Variants in AKR1B10 observed in about 807,000 individuals in gnomAD.
AKR1B10 encodes ARP.
A neutral mutation model predicts 38.9 loss-of-function variants in AKR1B10; 39 were observed. The observed-to-expected ratio is 1.00, with a 90% CI of 0.78 to 1.31. AKR1B10 has a LOEUF of 1.31. AKR1B10 is among the 50% of genes most tolerant of loss of function. The probability of loss-of-function intolerance (pLI) is 0.00; values close to 1 mark genes in which losing one functional copy is unlikely to be tolerated. For synonymous variants in AKR1B10, 148 were observed against 141.2 expected, an observed-to-expected ratio of 1.05 and a Z score of -0.34; for missense variants, 361 against 382.6, an observed-to-expected ratio of 0.94 and a Z score of 0.47.
Position 134,541,285 on chromosome 7 carries a change from C to T in AKR1B10, c.*196C>T. 1 of 520,540 alleles carries T rather than the reference C, an allele frequency of 1.9e-6. No individual in the cohort carries two copies. Among genetic ancestry groups the T allele is most frequent in the Non-Finnish European group, 3.4e-6 (1 of 298,138 alleles). The allele number at this position is 520,540 out of a possible 1,614,324, so 32.2% of individuals were successfully genotyped here. On this transcript the variant is annotated 3_prime_UTR_variant, in exon 10 of 10. Coordinates refer to ENST00000359579, the MANE Select transcript of AKR1B10 (RefSeq NM_020299.5). ...CTAGGATCAGAATATCACAGAAAAG[C>T]ATGGCTTGAATAAGGAAATGACAAT...
At chr7:134,528,024 T>G (rs1807734781) in intron 1 of AKR1B10, 47 bp downstream of exon 1, 2 of 1,606,202 alleles carry the variant, frequency 1.2e-6, no homozygotes, top group Admixed American at 1.7e-5. Flanking sequence ...GAGGGGCGTT[T>G]GGGTGTTTTC....
intron 1 of AKR1B10, among the ~76,000 whole-genome samples, chr7:134,530,060 G>A (rs1807807215): frequency 6.6e-6 from 1 of 152,024 alleles, no homozygotes; most frequent in Non-Finnish European, 1.5e-5. Context: ...TGCATACAAG[G>A]TTTACAGAGA....
At chr7:134,536,930 G>C in intron 5 of AKR1B10, 121 bp from the exon 6 acceptor site, 2 of 1,581,748 alleles carry the variant, frequency 1.3e-6, no homozygotes, top group Non-Finnish European at 1.7e-6. Context: ...GATTTAGCAA[G>C]TATCTCAGTG....
intron 3 of AKR1B10, 144 bp downstream of exon 3, chr7:134,532,168 C>G (rs1267675158): frequency 3.9e-6 from 4 of 1,018,380 alleles, no homozygotes; most frequent in Non-Finnish European, 6.0e-6. Context: ...AGGAAGAGAC[C>G]TTGGAGAAGA....
At chr7:134,534,790 C>A (rs1037968998) in intron 4 of AKR1B10, among the ~76,000 whole-genome samples, 1 of 152,170 alleles carries the variant, frequency 6.6e-6, no homozygotes, top group South Asian at 2.1e-4. Flanking sequence ...CTAATTGCCC[C>A]ATCTGAAATT....
Position 134,527,843 on chromosome 7 carries a change from C to A in AKR1B10, c.-69C>A, listed in dbSNP as rs1807722119. On this transcript the variant is annotated 5_prime_UTR_variant, in exon 1 of 10. Coordinates refer to ENST00000359579, the MANE Select transcript of AKR1B10 (RefSeq NM_020299.5). ...CCTTGGCAACAGTGCAAGACTGTCTCAAAAACAGCAACAGAGAGCAGGACG... is the reference window on the plus strand; with the variant it reads ...CCTTGGCAACAGTGCAAGACTGTCTAAAAAACAGCAACAGAGAGCAGGACG... 2 of 1,608,780 alleles carry A rather than the reference C, an allele frequency of 1.2e-6. No homozygotes were observed. The highest frequency in any genetic ancestry group is 2.2e-5 in the East Asian group (1 of 44,724).
At position 134,538,109 on chromosome 7, in the gene AKR1B10, G is replaced by T. The variant is rs183735577; in HGVS notation, c.742-85G>T. Reference sequence around the variant, plus strand: ...GCGATTGTACCTGAAGCCACAGTGAGCTGCAGAGATGTTTTATTCTTCCTT... The same window carrying T: ...GCGATTGTACCTGAAGCCACAGTGATCTGCAGAGATGTTTTATTCTTCCTT... On this transcript the variant is annotated intron_variant, in intron 7 of 9. Coordinates refer to ENST00000359579, the MANE Select transcript of AKR1B10 (RefSeq NM_020299.5). 1.2e-5 allele frequency: 15 copies of T among 1,256,828 alleles called. No homozygotes were observed. The Admixed American group carries it at 2.2e-4, about 18-fold the overall frequency. 77.9% of individuals were successfully genotyped at this position (1,256,828 alleles called of 1,614,324 possible). A position where few individuals can be genotyped will look rare whatever the true frequency, so the allele number is the denominator to read the frequency against.
At chr7:134,536,063 A>C (rs1807992875) in intron 4 of AKR1B10, among the ~76,000 whole-genome samples, 2 of 152,214 alleles carry the variant, frequency 1.3e-5, no homozygotes, top group African/African-American at 2.4e-5. Context: ...ACACAACTCC[A>C]TGGCCGGGTG....
At chr7:134,530,545 G>A (rs1401295517) in intron 1 of AKR1B10, 98 bp from the exon 2 acceptor site, 2 of 1,346,666 alleles carry the variant, frequency 1.5e-6, no homozygotes, top group Non-Finnish European at 2.1e-6. Context: ...TGGGAGGGTT[G>A]CTTGAACCTG....
At chr7:134,532,455 T>C (rs1807886450) in intron 3 of AKR1B10, among the ~76,000 whole-genome samples, 1 of 152,030 alleles carries the variant, frequency 6.6e-6, no homozygotes, top group South Asian at 2.1e-4. Context: ...CCAAGTATGG[T>C]GATGCTGGAA....
rs150459695 is a variant in AKR1B10, at chr7:134,533,629, G to A, written c.429+548G>A. 1.1e-4 allele frequency among the ~76,000 whole-genome samples: 17 copies of A among 152,220 alleles called. No individual in the cohort carries two copies. In the East Asian group the frequency reaches 2.9e-3, roughly 26 times the overall value. On this transcript the variant is annotated intron_variant, in intron 4 of 9. Transcript: ENST00000359579. The stretch of plus-strand genomic sequence containing the variant: ...CTAGATTGTTTGATGACTTGCCCAG[G>A]TCTTGTCACAATGTGTGTGGCAGAG...
intron 1 of AKR1B10, among the ~76,000 whole-genome samples, chr7:134,529,890 G>T (rs569928153): frequency 6.7e-6 from 1 of 149,736 alleles, no homozygotes; most frequent in South Asian, 2.1e-4. Flanking sequence ...TTCCTATAAG[G>T]TTTTCTATTT....
chr7:134,536,560 T>G, intron 4 of AKR1B10, 90 bp from the exon 5 acceptor site: 2 of 1,535,966 alleles, frequency 1.3e-6, no homozygotes, highest in Non-Finnish European at 1.7e-6. Flanking sequence ...GTGGATCCTT[T>G]AGCAATTTCT....
intron 3 of AKR1B10, among the ~76,000 whole-genome samples, chr7:134,532,513 A>T (rs1481111184): frequency 6.6e-6 from 1 of 152,048 alleles, no homozygotes; most frequent in Non-Finnish European, 1.5e-5. Flanking sequence ...CTCTGCTCTT[A>T]CCTGCTCCTG....
chr7:134,539,665 G>A (rs1372902186), intron 9 of AKR1B10, among the ~76,000 whole-genome samples: 1 of 152,156 alleles, frequency 6.6e-6, no homozygotes, highest in African/African-American at 2.4e-5. Context: ...GAAGGCCAGG[G>A]AGGCTGGATT....
At position 134,536,374 on chromosome 7, in the gene AKR1B10, A is replaced by T. The variant is rs565652770; in HGVS notation, c.430-276A>T. Among the ~76,000 whole-genome samples, 656 of 152,160 alleles carry T rather than the reference A, an allele frequency of 4.3e-3. 2 individuals carry two copies. The highest frequency in any genetic ancestry group is 0.015 in the African/African-American group (631 of 41,496). On this transcript the variant is annotated intron_variant, in intron 4 of 9. Transcript: ENST00000359579. ...ATTTCCCCTGTGTACAGGAAGTTTAATTTTTTATGTGTTTCTTCACGTGTA... is the reference window on the plus strand; with the variant it reads ...ATTTCCCCTGTGTACAGGAAGTTTATTTTTTTATGTGTTTCTTCACGTGTA...
intron 4 of AKR1B10, chr7:134,535,585 C>CCTTTTTTTTTTTT (rs1554396831): frequency 1.2e-5 from 5 of 410,554 alleles, no homozygotes; most frequent in African/African-American, 6.0e-5. Context: ...TCTTTTCTGT[C>CCTTTTTTTTTTTT]TTTTTTTTTT....
In AKR1B10 at chr7:134,531,991, C is replaced by G; in HGVS notation, c.318C>G (p.Asp106Glu). 6.2e-7 allele frequency: 1 copy of G among 1,614,058 alleles called. No homozygotes were observed. The highest frequency in any genetic ancestry group is 1.7e-5 in the Admixed American group (1 of 60,008). Residue 106 changes from aspartate (D) to glutamate (E), a missense_variant, in exon 3 of 10, where the codon GAC (aspartate) becomes GAG (glutamate). Physicochemically the swap from Asp to Glu is conservative, Grantham distance 45 (BLOSUM62 2). Around this residue, in one of 3 missense-constraint regions of AKR1B10, gnomAD observed 220 missense variants for 216.1 expected, o/e 1.02. Transcript: ENST00000359579. ...TLKDLKLSYLDVYLIHWPQGF... is the reference protein window; with the variant it reads ...TLKDLKLSYLEVYLIHWPQGF... ...AGGACCTGAAGCTGAGCTATCTGGA[C>G]GTCTATCTTATTCACTGGCCACAGG...
At chr7:134,528,583 G>T (rs938982271) in intron 1 of AKR1B10, among the ~76,000 whole-genome samples, 1 of 152,256 alleles carries the variant, frequency 6.6e-6, no homozygotes, top group East Asian at 1.9e-4. Flanking sequence ...AATTTTCTGG[G>T]CATGGTGGCA....
Sources: gnomAD v4.1 joint callset for allele counts (sites outside exome capture counted in the v4.1 genomes callset) on GRCh38, gnomAD v4.1.1 for gene constraint, gnomAD v4.1.1 regional missense constraint, MANE v1.5 for transcripts, NCBI Gene and HGNC (gene_info 2026-07-23, HGNC 2026-07-21) for gene names.